SPATA6: variants seen among roughly 807,000 people sequenced by gnomAD.
SPATA6 encodes spermatogenesis-associated protein 6.
A neutral mutation model predicts 65.3 loss-of-function variants in SPATA6; 56 were observed. The observed-to-expected ratio is 0.86, with a 90% confidence interval of 0.69 to 1.07. The LOEUF (loss-of-function observed/expected upper bound fraction) is 1.07, where lower values mean the gene tolerates loss of function less well. Ranked by LOEUF, SPATA6 falls within the 50% of genes least tolerant of loss-of-function variation. The probability of loss-of-function intolerance (pLI) is 0.00; values close to 1 mark genes in which losing one functional copy is unlikely to be tolerated. For synonymous variants in SPATA6, 199 were observed against 213.2 expected, an observed-to-expected ratio of 0.93 and a Z score of 0.58; for missense variants, 590 against 594.8, an observed-to-expected ratio of 0.99 and a Z score of 0.08.
At chr1:48,287,368 AAT>A in the SPATA6 span, among the ~76,000 whole-genome samples, 2 of 152,208 alleles carry the variant, frequency 1.3e-5, no homozygotes, top group African/African-American at 4.8e-5. Flanking sequence ...GTTACATTTC[AAT>A]ATGAGATTTG....
chr1:48,342,884 G>T (rs1385072597), intron 11 of SPATA6, among the ~76,000 whole-genome samples: 4 of 152,038 alleles, frequency 2.6e-5, no homozygotes, highest in Admixed American at 6.6e-5. Context: ...TAGAATAGTA[G>T]TACCAAATAA....
Position 48,325,337 on chromosome 1 carries a change from G to C in SPATA6, c.1195-19459C>G, listed in dbSNP as rs1570128085. 7.6e-6 allele frequency: 10 copies of C among 1,308,632 alleles called. No individual in the cohort carries two copies. The East Asian group carries it at 2.3e-4, about 30-fold the overall frequency. 81.1% of individuals were successfully genotyped at this position (1,308,632 alleles called of 1,614,324 possible). A position where few individuals can be genotyped will look rare whatever the true frequency, so the allele number is the denominator to read the frequency against. On this transcript the variant is annotated intron_variant, in intron 11 of 12. Coordinates refer to ENST00000371847, the MANE Select transcript of SPATA6 (RefSeq NM_019073.4). ...TGTGTGTAGGGCACAGGCCCCCGTA[G>C]AGTCCTCCCCTGAAGGCAAAGTTCT... is the stretch of plus-strand genomic sequence containing the variant.
At chr1:48,327,886 T>G (rs1249034165) in intron 11 of SPATA6, among the ~76,000 whole-genome samples, 1 of 152,150 alleles carries the variant, frequency 6.6e-6, no homozygotes, top group Non-Finnish European at 1.5e-5. Flanking sequence ...ATTTGGGTGA[T>G]GTGGGTGATA....
the SPATA6 span, among the ~76,000 whole-genome samples, chr1:48,285,627 G>A: frequency 2.6e-5 from 4 of 152,266 alleles, no homozygotes; most frequent in East Asian, 7.7e-4. Flanking sequence ...TAAAAGAATA[G>A]TATCTGGGCC....
chr1:48,385,267 G>A, intron 9 of SPATA6, 42 bp downstream of exon 9: 1 of 1,549,876 alleles, frequency 6.5e-7, no homozygotes, highest in Non-Finnish European at 8.7e-7. Context: ...GTTGTTGTCT[G>A]AAAGCCAGAA....
At chr1:48,270,296 T>C in the SPATA6 span, among the ~76,000 whole-genome samples, 2 of 152,138 alleles carry the variant, frequency 1.3e-5, no homozygotes, top group Non-Finnish European at 2.9e-5. Context: ...ATCTCTTTGT[T>C]TTTAGTGCTC....
At chr1:48,336,339 C>T (rs993931538) in intron 11 of SPATA6, among the ~76,000 whole-genome samples, 4 of 151,984 alleles carry the variant, frequency 2.6e-5, no homozygotes, top group African/African-American at 9.7e-5. Context: ...TGTATATTCA[C>T]TGCAGCACCA....
At chr1:48,459,194 G>A (rs1391761512) in intron 1 of SPATA6, among the ~76,000 whole-genome samples, 2 of 109,186 alleles carry the variant, frequency 1.8e-5, no homozygotes, top group African/African-American at 3.9e-5. Flanking sequence ...AACACTGCGA[G>A]ACTCCATATC....
At position 48,472,036 on chromosome 1, in the gene SPATA6, A is replaced by T; in HGVS notation, c.-28T>A. 1 of 1,332,818 alleles carries T rather than the reference A, an allele frequency of 7.5e-7. No individual in the cohort carries two copies. The allele number at this position is 1,332,818 out of a possible 1,614,324, so 82.6% of individuals were successfully genotyped here. ...GTGCGGGGAGGGGCGGCGGGGAGTGACCCCGGCCACGGGCCCGAGTGAGGC... is the reference window on the plus strand; with the variant it reads ...GTGCGGGGAGGGGCGGCGGGGAGTGTCCCCGGCCACGGGCCCGAGTGAGGC... On this transcript the variant is annotated 5_prime_UTR_variant, in exon 1 of 13. Transcript: ENST00000371847.
intron 11 of SPATA6, among the ~76,000 whole-genome samples, chr1:48,319,649 C>G (rs994283838): frequency 2.6e-5 from 4 of 152,136 alleles, no homozygotes; most frequent in African/African-American, 9.7e-5. Flanking sequence ...ATAAGAGATC[C>G]TCAGTATTCC....
At chr1:48,384,695 A>G (rs1192052670) in intron 9 of SPATA6, among the ~76,000 whole-genome samples, 2 of 152,184 alleles carry the variant, frequency 1.3e-5, no homozygotes, top group East Asian at 1.9e-4. Context: ...AGCTATTGGT[A>G]TATCTTTTAC....
intron 11 of SPATA6, among the ~76,000 whole-genome samples, chr1:48,306,176 T>A (rs1645057763): frequency 4.6e-5 from 7 of 152,036 alleles, no homozygotes; most frequent in Admixed American, 4.6e-4. Context: ...TCATGATATG[T>A]AAATTAACAT....
rs114589447 is a variant in SPATA6 at position 48,460,542 on chromosome 1, A to G, written c.52-7411T>C. Among the ~76,000 whole-genome samples, 694 of 152,272 alleles carry G rather than the reference A, an allele frequency of 4.6e-3. 4 individuals are homozygous for G. The highest frequency in any genetic ancestry group is 0.015 in the African/African-American group (620 of 41,554). ...CCACTCTCAACACCTCTATACCACA[A>G]TGCACCATAGGTTCCAGCCAGTGCA... On this transcript the variant is annotated intron_variant, in intron 1 of 12. Coordinates refer to ENST00000371847, the MANE Select transcript of SPATA6 (RefSeq NM_019073.4).
intron 11 of SPATA6, 146 bp from the exon 12 acceptor site, chr1:48,306,024 GA>G: frequency 4.6e-5 from 28 of 603,724 alleles, no homozygotes; most frequent in Middle Eastern, 2.7e-4. Context: ...TCTTTGGGGG[GA>G]AAAAGGTTAA....
intron 12 of SPATA6, among the ~76,000 whole-genome samples, chr1:48,300,226 TA>T (rs1010366695): frequency 6.6e-6 from 1 of 152,232 alleles, no homozygotes; most frequent in Non-Finnish European, 1.5e-5. Context: ...TTTTTATGGA[TA>T]AAATGTTGAG....
Position 48,456,809 on chromosome 1 carries a change from C to T in SPATA6, c.52-3678G>A, listed in dbSNP as rs181686224. Among the ~76,000 whole-genome samples the T allele has an allele frequency of 8.3e-4, 127 of 152,126 alleles. 1 individual carries two copies. In the East Asian group the frequency reaches 0.018, roughly 22 times the overall value. On this transcript the variant is annotated intron_variant, in intron 1 of 12. Transcript: ENST00000371847. ...AAAAGAATAAGGGAACCTGAAAATA[C>T]GTCAATTAAAATTATCCAGTCTGAT...
At chr1:48,348,276 C>T (rs75855503) in intron 11 of SPATA6, among the ~76,000 whole-genome samples, 10,057 of 152,070 alleles carry the variant, frequency 0.066, 422 homozygotes, top group Non-Finnish European at 0.093. Context: ...GGGGGTACAA[C>T]ATTCATAATC....
At chr1:48,299,704 T>A (rs1271745795) in intron 12 of SPATA6, among the ~76,000 whole-genome samples, 1 of 152,028 alleles carries the variant, frequency 6.6e-6, no homozygotes, top group Non-Finnish European at 1.5e-5. Flanking sequence ...TTATTAAATA[T>A]GAGACACTAA....
the SPATA6 span, among the ~76,000 whole-genome samples, chr1:48,288,423 G>A: frequency 3.3e-5 from 5 of 152,188 alleles, no homozygotes; most frequent in African/African-American, 4.8e-5. Flanking sequence ...TGTGACTGAT[G>A]CAGAAGACAG....
Sources: gnomAD v4.1 joint callset for allele counts (sites outside exome capture counted in the v4.1 genomes callset) on GRCh38, gnomAD v4.1.1 for gene constraint, MANE v1.5 for transcripts, NCBI Gene and HGNC (gene_info 2026-07-23, HGNC 2026-07-21) for gene names.